The following TAFA1 variants were observed in gnomAD, a reference collection of about 807,000 sequenced individuals.
The protein encoded by TAFA1 is TAFA chemokine like family member 1, also known as chemokine-like protein TAFA-1.
TAFA1 carries 4 observed loss-of-function variants against 18.5 expected under a neutral mutation model. That is an observed-to-expected ratio of 0.22 (90% CI 0.11 to 0.49). The LOEUF (loss-of-function observed/expected upper bound fraction) is 0.49, where lower values mean the gene tolerates loss of function less well. TAFA1 is among the 20% of genes least tolerant of loss of function. TAFA1 has a pLI of 0.98. For synonymous variants in TAFA1, 56 were observed against 55.2 expected, an observed-to-expected ratio of 1.01 and a Z score of -0.06; for missense variants, 147 against 169.0, an observed-to-expected ratio of 0.87 and a Z score of 0.72.
chr3:68,447,378 C>T (rs2071487610), intron 3 of TAFA1, among the ~76,000 whole-genome samples: 1 of 152,194 alleles, frequency 6.6e-6, no homozygotes, highest in African/African-American at 2.4e-5. Context: ...CTGTTGGCTA[C>T]TCCATTCTGT....
intron 3 of TAFA1, among the ~76,000 whole-genome samples, chr3:68,517,812 T>C (rs2072946826): frequency 1.3e-5 from 2 of 152,162 alleles, no homozygotes; most frequent in Non-Finnish European, 2.9e-5. Flanking sequence ...CTTTGATTTG[T>C]CACAGCAATT....
At chr3:68,539,293 G>C (rs1377176182) in intron 4 of TAFA1, among the ~76,000 whole-genome samples, 1 of 152,164 alleles carries the variant, frequency 6.6e-6, no homozygotes, top group Non-Finnish European at 1.5e-5. Context: ...TTCTTTAAAA[G>C]AGTTCTGTGA....
intron 2 of TAFA1, among the ~76,000 whole-genome samples, chr3:68,372,556 T>C (rs1195473673): frequency 6.6e-6 from 1 of 152,184 alleles, no homozygotes; most frequent in African/African-American, 2.4e-5. Context: ...TTTTACTAAT[T>C]GTTAATCACA....
chr3:68,081,961 T>C (rs151330386), intron 2 of TAFA1, among the ~76,000 whole-genome samples: 4,445 of 152,252 alleles, frequency 0.029, 222 homozygotes, highest in African/African-American at 0.1. Context: ...TAGCAATCAG[T>C]GAGACTCCAT....
At position 68,331,856 on chromosome 3, in the gene TAFA1, C is replaced by CTTTTTTTTTTTTTT. The variant is rs60291932; in HGVS notation, c.119-85412_119-85399dup. 2.6e-3 allele frequency among the ~76,000 whole-genome samples: 201 copies of CTTTTTTTTTTTTTT among 76,192 alleles called. 14 individuals carry two copies. The highest frequency in any genetic ancestry group is 4.7e-3 in the African/African-American group (88 of 18,692). 50.0% of individuals were successfully genotyped at this position (76,192 alleles called of 152,430 possible). A position where few individuals can be genotyped will look rare whatever the true frequency, so the allele number is the denominator to read the frequency against. ...TGGGTAAAGGATAGTCTTTTCTTTT[C>CTTTTTTTTTTTTTT]TTTTTTTTTTTTTTTTTTTTTTTTT... On this transcript the variant is annotated intron_variant, in intron 2 of 4. Transcript: ENST00000478136.
At chr3:68,484,508 A>G (rs2072301151) in intron 3 of TAFA1, among the ~76,000 whole-genome samples, 1 of 152,192 alleles carries the variant, frequency 6.6e-6, no homozygotes, top group Admixed American at 6.5e-5. Context: ...AAAAAGGAAT[A>G]GAAGCTGATT....
chr3:68,028,448 G>T (rs1416993950), intron 2 of TAFA1, among the ~76,000 whole-genome samples: 1 of 151,646 alleles, frequency 6.6e-6, no homozygotes, highest in Non-Finnish European at 1.5e-5. Flanking sequence ...ATACTTTATT[G>T]GTCTTCTATG....
intron 2 of TAFA1, among the ~76,000 whole-genome samples, chr3:68,130,902 G>C (rs2065528101): frequency 6.6e-6 from 1 of 151,984 alleles, no homozygotes; most frequent in Non-Finnish European, 1.5e-5. Context: ...TCCTTTTCTA[G>C]CTCATTGCAC....
At chr3:68,315,069 T>C (rs2068585339) in intron 2 of TAFA1, among the ~76,000 whole-genome samples, 1 of 152,080 alleles carries the variant, frequency 6.6e-6, no homozygotes, top group Admixed American at 6.6e-5. Flanking sequence ...TGGAATATTC[T>C]CCTGTGGAAA....
intron 2 of TAFA1, among the ~76,000 whole-genome samples, chr3:68,230,268 A>AC (rs1393805977): frequency 3.0e-4 from 45 of 149,018 alleles, no homozygotes; most frequent in African/African-American, 1.0e-3. Flanking sequence ...CCCCCCTGCA[A>AC]CCCCCCAATG....
chr3:67,998,885 G>C, the TAFA1 span, among the ~76,000 whole-genome samples: 2 of 152,140 alleles, frequency 1.3e-5, no homozygotes, highest in African/African-American at 4.8e-5. Context: ...TTTGAATTTT[G>C]TGTGTGCATG....
intron 2 of TAFA1, among the ~76,000 whole-genome samples, chr3:68,319,006 TTC>T (rs1378406577): frequency 6.6e-6 from 1 of 152,212 alleles, no homozygotes; most frequent in Non-Finnish European, 1.5e-5. Flanking sequence ...AAATGATTCT[TTC>T]TCTTTCTCCT....
intron 2 of TAFA1, among the ~76,000 whole-genome samples, chr3:68,235,247 C>T (rs967726587): frequency 6.6e-6 from 1 of 152,260 alleles, no homozygotes. Flanking sequence ...TTAAACATCT[C>T]CACTCACCAT....
chr3:68,169,194 C>T (rs1165533865), intron 2 of TAFA1, among the ~76,000 whole-genome samples: 1 of 151,956 alleles, frequency 6.6e-6, no homozygotes, highest in Non-Finnish European at 1.5e-5. Flanking sequence ...ACTTTCAAAG[C>T]TAAGTCATAA....
chr3:68,276,068 T>C (rs553793123), intron 2 of TAFA1, among the ~76,000 whole-genome samples: 1 of 152,152 alleles, frequency 6.6e-6, no homozygotes, highest in East Asian at 1.9e-4. Context: ...ATACCCTGAC[T>C]GTATATCTAC....
intron 3 of TAFA1, among the ~76,000 whole-genome samples, chr3:68,443,203 G>A (rs2071415842): frequency 6.6e-6 from 1 of 152,066 alleles, no homozygotes; most frequent in African/African-American, 2.4e-5. Context: ...GCAGTCCTGG[G>A]TAAGACAGCC....
chr3:68,045,327 A>T (rs1354345260), intron 2 of TAFA1, among the ~76,000 whole-genome samples: 5 of 152,194 alleles, frequency 3.3e-5, no homozygotes, highest in Non-Finnish European at 7.4e-5. Flanking sequence ...GTGCGAGTCC[A>T]ATGTTCAGAG....
intron 2 of TAFA1, among the ~76,000 whole-genome samples, chr3:68,388,162 C>T (rs2070144565): frequency 6.6e-6 from 1 of 151,936 alleles, no homozygotes; most frequent in Non-Finnish European, 1.5e-5. Flanking sequence ...ATCGTGGCGG[C>T]TGGAGATATG....
At chr3:68,082,644 T>G (rs907940084) in intron 2 of TAFA1, among the ~76,000 whole-genome samples, 9 of 152,260 alleles carry the variant, frequency 5.9e-5, no homozygotes, top group African/African-American at 2.2e-4. Context: ...CTGTTGCTGT[T>G]GATCATGATG....
Sources: gnomAD v4.1 joint callset for allele counts (sites outside exome capture counted in the v4.1 genomes callset) on GRCh38, gnomAD v4.1.1 for gene constraint, MANE v1.5 for transcripts, NCBI Gene and HGNC (gene_info 2026-07-23, HGNC 2026-07-21) for gene names.